Variants in ZPBP observed in about 807,000 individuals in gnomAD.
ZPBP encodes zona pellucida-binding protein 1.
In ZPBP, 26 loss-of-function variants were observed where a neutral mutation model predicts 44.8. The ratio of observed to expected loss-of-function variants is 0.58; its 90% CI spans 0.43 to 0.81. The LOEUF is 0.81. ZPBP is among the 30% of genes least tolerant of loss of function. The pLI is 0.00. For missense variants in ZPBP, 409 were observed against 434.0 expected (o/e 0.94, Z 0.51); for synonymous variants, 174 against 153.2 (o/e 1.14, Z -1.00).
intron 3 of ZPBP, among the ~76,000 whole-genome samples, chr7:50,077,259 T>C (rs1217356895): frequency 6.6e-6 from 1 of 151,866 alleles, no homozygotes; most frequent in Non-Finnish European, 1.5e-5. Context: ...CAAAATAGAT[T>C]AAAGAGTTAA....
intron 1 of ZPBP, among the ~76,000 whole-genome samples, chr7:49,928,831 T>C (rs1583858165): frequency 1.3e-5 from 2 of 152,194 alleles, no homozygotes; most frequent in East Asian, 3.9e-4. Flanking sequence ...ACATAGTAAC[T>C]TGTTGGCCCA....
chr7:49,870,382 G>A (rs866442740), intron 2 of ZPBP, among the ~76,000 whole-genome samples: 42 of 152,272 alleles, frequency 2.8e-4, no homozygotes, highest in African/African-American at 9.9e-4. Flanking sequence ...CCTGGGTGAC[G>A]CAGTGAGACT....
intron 5 of ZPBP, among the ~76,000 whole-genome samples, chr7:50,023,964 A>G (rs1799208219): frequency 6.6e-6 from 1 of 152,048 alleles, no homozygotes; most frequent in South Asian, 2.1e-4. Context: ...AATTAAAAAA[A>G]CAAGAAAAGA....
At chr7:50,011,906 C>T (rs928954972) in intron 6 of ZPBP, among the ~76,000 whole-genome samples, 2 of 151,656 alleles carry the variant, frequency 1.3e-5, no homozygotes, top group South Asian at 2.1e-4. Context: ...AAAAATTGGC[C>T]GGGCATGGTG....
chr7:49,970,906 T>C (rs1796278181), intron 7 of ZPBP, among the ~76,000 whole-genome samples: 1 of 151,224 alleles, frequency 6.6e-6, no homozygotes, highest in South Asian at 2.1e-4. Flanking sequence ...AAGCCAGGCA[T>C]GGTGGTGCAT....
intron 2 of ZPBP, among the ~76,000 whole-genome samples, chr7:49,873,922 C>CA (rs1004741809): frequency 4.7e-5 from 7 of 147,918 alleles, no homozygotes; most frequent in East Asian, 3.9e-4. Flanking sequence ...AAAAAAACAA[C>CA]AAAAAAAAGA....
intron 6 of ZPBP, among the ~76,000 whole-genome samples, chr7:50,011,514 A>C (rs536524356): frequency 4.6e-5 from 7 of 152,330 alleles, no homozygotes; most frequent in Admixed American, 2.0e-4. Flanking sequence ...GATCTGAACA[A>C]CACCACCATC....
chr7:49,978,027 T>C (rs1459625848), intron 7 of ZPBP, among the ~76,000 whole-genome samples: 1 of 151,776 alleles, frequency 6.6e-6, no homozygotes, highest in African/African-American at 2.4e-5. Context: ...GGATCTGGGG[T>C]ATTATGTCAA....
At chr7:50,018,789 C>G (rs982335704) in intron 5 of ZPBP, among the ~76,000 whole-genome samples, 1 of 151,748 alleles carries the variant, frequency 6.6e-6, no homozygotes, top group Non-Finnish European at 1.5e-5. Flanking sequence ...TAGTAGGGGC[C>G]ATGGTAACTA....
At chr7:49,921,982 G>C (rs1291375708) in intron 1 of ZPBP, 1 of 152,088 alleles carries the variant, frequency 6.6e-6, no homozygotes. Context: ...TCACATTTAA[G>C]ATAATCCTTT....
At chr7:50,028,936 A>T (rs2128810592) in intron 5 of ZPBP, among the ~76,000 whole-genome samples, 1 of 152,314 alleles carries the variant, frequency 6.6e-6, no homozygotes, top group East Asian at 1.9e-4. Flanking sequence ...GTCCAGATCC[A>T]ATGAAATCCC....
intron 1 of ZPBP, among the ~76,000 whole-genome samples, chr7:49,926,450 A>C (rs1794236369): frequency 6.6e-6 from 1 of 152,118 alleles, no homozygotes; most frequent in African/African-American, 2.4e-5. Context: ...TCAGTTTCTC[A>C]TTCCTTTTCA....
chr7:49,873,980 A>G (rs1791289838), intron 2 of ZPBP, among the ~76,000 whole-genome samples: 2 of 152,148 alleles, frequency 1.3e-5, no homozygotes, highest in Admixed American at 1.3e-4. Context: ...ATTCAAAGAA[A>G]ACCAATGCAT....
At chr7:50,016,325 C>T (rs1798817222) in intron 6 of ZPBP, among the ~76,000 whole-genome samples, 1 of 152,132 alleles carries the variant, frequency 6.6e-6, no homozygotes, top group South Asian at 2.1e-4. Context: ...AAGCCAAATA[C>T]CACATGTTGT....
chr7:49,929,884 T>C (rs1794388614), intron 1 of ZPBP, among the ~76,000 whole-genome samples: 1 of 152,164 alleles, frequency 6.6e-6, no homozygotes, highest in African/African-American at 2.4e-5. Context: ...AAGAGATGAT[T>C]TGTATAAGAA....
intron 6 of ZPBP, among the ~76,000 whole-genome samples, chr7:50,013,847 C>A (rs897972047): frequency 1.3e-5 from 2 of 152,030 alleles, no homozygotes; most frequent in African/African-American, 4.8e-5. Flanking sequence ...GCTTGACTTG[C>A]AAACATACTT....
intron 7 of ZPBP, among the ~76,000 whole-genome samples, chr7:49,939,204 C>T (rs1343726398): frequency 6.6e-6 from 1 of 152,092 alleles, no homozygotes; most frequent in East Asian, 1.9e-4. Flanking sequence ...AGCAAAGATA[C>T]TAAAAGTGTT....
chr7:49,864,962 T>C (rs1167048183), intron 2 of ZPBP, among the ~76,000 whole-genome samples: 5 of 152,250 alleles, frequency 3.3e-5, no homozygotes, highest in African/African-American at 1.2e-4. Flanking sequence ...CTGTTTGTTT[T>C]TCAGTGCTCC....
At position 50,019,497 on chromosome 7, in the gene ZPBP, C is replaced by T. The variant is rs1798984220; in HGVS notation, c.707-1181G>A. 1.3e-5 allele frequency among the ~76,000 whole-genome samples: 2 copies of T among 152,094 alleles called. 1 individual carries two copies. Among genetic ancestry groups the T allele is most frequent in the South Asian group, 4.2e-4 (2 of 4,814 alleles). On this transcript the variant is annotated intron_variant, in intron 5 of 7. Coordinates refer to ENST00000046087, the MANE Select transcript of ZPBP (RefSeq NM_007009.3). ...TTATTATATGAATATTTTCTTTTTA[C>T]TATAATATAATCTTGAAGAGGGATC...
Sources: gnomAD v4.1 joint callset for allele counts (sites outside exome capture counted in the v4.1 genomes callset) on GRCh38, gnomAD v4.1.1 for gene constraint, MANE v1.5 for transcripts, NCBI Gene and HGNC (gene_info 2026-07-23, HGNC 2026-07-21) for gene names.